PPP2R2C: variants seen among roughly 807,000 people sequenced by gnomAD.
PPP2R2C encodes protein phosphatase 2 regulatory subunit Bgamma.
In PPP2R2C, 10 loss-of-function variants were observed where a neutral mutation model predicts 45.3. The observed-to-expected ratio is 0.22, with a 90% CI of 0.14 to 0.37. The LOEUF is 0.37. Among genes scored for constraint, PPP2R2C ranks in the 10% least tolerant of loss-of-function variants. The probability of loss-of-function intolerance (pLI) is 1.00; values close to 1 mark genes in which losing one functional copy is unlikely to be tolerated. For missense variants in PPP2R2C, 308 were observed against 619.7 expected (o/e 0.50, Z 5.34); for synonymous variants, 257 against 245.4 (o/e 1.05, Z -0.44).
At chr4:6,349,045 C>A (rs1712282935) in intron 5 of PPP2R2C, 1 of 985,256 alleles carries the variant, frequency 1.0e-6, no homozygotes, top group African/African-American at 1.7e-5. Context: ...TTTCCTATCC[C>A]TTCCCTGCTG....
chr4:6,439,890 A>G (rs1273730973), intron 1 of PPP2R2C, among the ~76,000 whole-genome samples: 1 of 152,104 alleles, frequency 6.6e-6, no homozygotes, highest in African/African-American at 2.4e-5. Flanking sequence ...TTGCAACACC[A>G]TTCCTTTTCA....
chr4:6,538,691 C>A (rs556213486), intron 1 of PPP2R2C, among the ~76,000 whole-genome samples: 1 of 152,340 alleles, frequency 6.6e-6, no homozygotes, highest in African/African-American at 2.4e-5. Context: ...GGTTGCACCA[C>A]CCACACCACG....
chr4:6,457,297 G>A (rs2108753506), intron 1 of PPP2R2C, among the ~76,000 whole-genome samples: 1 of 151,888 alleles, frequency 6.6e-6, no homozygotes, highest in African/African-American at 2.4e-5. Context: ...TTCTTCTGTG[G>A]CCTTTAAAAT....
chr4:6,454,249 C>A (rs1465220478), intron 1 of PPP2R2C, among the ~76,000 whole-genome samples: 1 of 152,166 alleles, frequency 6.6e-6, no homozygotes, highest in African/African-American at 2.4e-5. Context: ...CCTATCCCAT[C>A]TGCTTTTCTA....
At chr4:6,493,970 C>T (rs935283282) in intron 2 of PPP2R2C, among the ~76,000 whole-genome samples, 1 of 152,226 alleles carries the variant, frequency 6.6e-6, no homozygotes, top group Non-Finnish European at 1.5e-5. Flanking sequence ...TTAATCCAAA[C>T]ATGCTCATTT....
intron 1 of PPP2R2C, among the ~76,000 whole-genome samples, chr4:6,412,493 G>T (rs1432031792): frequency 6.6e-6 from 1 of 152,166 alleles, no homozygotes; most frequent in Admixed American, 6.5e-5. Context: ...TGCCAGCTGT[G>T]TGCTTGAATA....
intron 2 of PPP2R2C, among the ~76,000 whole-genome samples, chr4:6,478,238 A>T (rs543615488): frequency 2.0e-5 from 3 of 152,370 alleles, no homozygotes; most frequent in South Asian, 2.1e-4. Context: ...TTGAATGGCC[A>T]CAGGGGAGGT....
intron 1 of PPP2R2C, among the ~76,000 whole-genome samples, chr4:6,543,038 G>C (rs909926691): frequency 6.6e-6 from 1 of 150,750 alleles, no homozygotes; most frequent in Non-Finnish European, 1.5e-5. Flanking sequence ...CTCAGAGAGG[G>C]GCCACCCAGA....
chr4:6,378,991 C>A lies in PPP2R2C; in HGVS notation c.169-419G>T, dbSNP rs115886808. 6.4e-3 allele frequency among the ~76,000 whole-genome samples: 963 copies of A among 151,564 alleles called. 7 individuals carry two copies. The highest frequency in any genetic ancestry group is 0.022 in the African/African-American group (900 of 41,238). On this transcript the variant is annotated intron_variant, in intron 2 of 8. Coordinates refer to ENST00000382599, the MANE Select transcript of PPP2R2C (RefSeq NM_020416.4). The surrounding 1 kb of genome is among the most constrained non-coding windows in gnomAD (Gnocchi z 5.2). ...TTCCCAGAGCCGTGAGGTCACTCTC[C>A]GGCGAGCACCCCTCTGCCGAGGCCT... is the stretch of plus-strand genomic sequence containing the variant.
chr4:6,409,759 G>C (rs1478736548), intron 1 of PPP2R2C, among the ~76,000 whole-genome samples: 1 of 152,132 alleles, frequency 6.6e-6, no homozygotes, highest in East Asian at 1.9e-4. Context: ...GGTGGAGCTG[G>C]GGATAGAGCC....
At chr4:6,391,367 G>A (rs1259928189) in intron 1 of PPP2R2C, among the ~76,000 whole-genome samples, 1 of 152,206 alleles carries the variant, frequency 6.6e-6, no homozygotes, top group African/African-American at 2.4e-5. Flanking sequence ...GACGAGCCAT[G>A]GCAGGCGCTG....
At chr4:6,323,619 G>A in intron 8 of PPP2R2C, 26 bp from the exon 9 acceptor site, 1 of 1,519,634 alleles carries the variant, frequency 6.6e-7, no homozygotes, top group Non-Finnish European at 8.9e-7. Flanking sequence ...GAGGCATCAG[G>A]TGAGGAGGAG....
chr4:6,391,774 C>G (rs1332953894), intron 1 of PPP2R2C, among the ~76,000 whole-genome samples: 1 of 152,188 alleles, frequency 6.6e-6, no homozygotes, highest in Non-Finnish European at 1.5e-5. Context: ...GGGCTGGAGG[C>G]CTGGAGGTGC....
At chr4:6,558,762 T>C (rs1197564675) in intron 1 of PPP2R2C, among the ~76,000 whole-genome samples, 3 of 151,878 alleles carry the variant, frequency 2.0e-5, no homozygotes, top group African/African-American at 4.8e-5. Context: ...CGAGCCAAGC[T>C]TGGAATGAAG....
intron 2 of PPP2R2C, among the ~76,000 whole-genome samples, chr4:6,527,587 C>A (rs913433651): frequency 9.3e-6 from 1 of 107,766 alleles, no homozygotes; most frequent in Admixed American, 9.8e-5. Context: ...GGTAACCCCG[C>A]CCGACCCCAC....
chr4:6,366,298 A>G (rs571733406), intron 5 of PPP2R2C, among the ~76,000 whole-genome samples: 2 of 152,342 alleles, frequency 1.3e-5, no homozygotes, highest in East Asian at 1.9e-4. Flanking sequence ...GCCAGGGCCC[A>G]AAGCCCGGGC....
intron 2 of PPP2R2C, among the ~76,000 whole-genome samples, chr4:6,490,102 C>T (rs1213886169): frequency 6.6e-6 from 1 of 152,186 alleles, no homozygotes; most frequent in Admixed American, 6.5e-5. Flanking sequence ...CCCCAGGCAT[C>T]CGTCCCTCCC....
rs74650139 is a variant in PPP2R2C, at chr4:6,332,153, C to T, written c.960+1409G>A. ...AGTTTCAGGGGTTCATGGGCCTTTG[C>T]TGACCTCAGGGATGGAGGTAAGTGA... is the stretch of plus-strand genomic sequence containing the variant. On this transcript the variant is annotated intron_variant, in intron 7 of 8. Coordinates refer to ENST00000382599, the MANE Select transcript of PPP2R2C (RefSeq NM_020416.4). This position sits in a 1 kb window ranked among gnomAD's most constrained non-coding sequence, Gnocchi z 4.9. Among the ~76,000 whole-genome samples the T allele has an allele frequency of 0.015, 2,287 of 152,254 alleles. 54 individuals carry two copies. Among genetic ancestry groups the T allele is most frequent in the African/African-American group, 0.052 (2,153 of 41,530 alleles).
At chr4:6,348,439 T>C (rs1240124646) in intron 5 of PPP2R2C, among the ~76,000 whole-genome samples, 1 of 152,058 alleles carries the variant, frequency 6.6e-6, no homozygotes, top group Non-Finnish European at 1.5e-5. Flanking sequence ...TATTGGTGAA[T>C]GATTTCAAGT....
Sources: gnomAD v4.1 joint callset for allele counts (sites outside exome capture counted in the v4.1 genomes callset) on GRCh38, gnomAD v4.1.1 for gene constraint, Gnocchi (gnomAD v3.1) non-coding constraint, MANE v1.5 for transcripts, NCBI Gene and HGNC (gene_info 2026-07-23, HGNC 2026-07-21) for gene names.